The following WDR17 variants were observed in gnomAD, a reference collection of about 807,000 sequenced individuals.
WDR17 encodes WD repeat-containing protein 17.
In WDR17, 143 loss-of-function variants were observed where a neutral mutation model predicts 161.7. The observed-to-expected ratio is 0.88, with a 90% CI of 0.77 to 1.02. The LOEUF (loss-of-function observed/expected upper bound fraction) is 1.02. Among genes scored for constraint, WDR17 ranks in the 50% least tolerant of loss-of-function variants. The pLI is 0.00. For synonymous variants in WDR17, 517 were observed against 515.6 expected, an observed-to-expected ratio of 1.00 and a Z score of -0.04; for missense variants, 1,469 against 1,520.9, an observed-to-expected ratio of 0.97 and a Z score of 0.57.
chr4:176,072,336 T>C (rs1171654373), intron 1 of WDR17, among the ~76,000 whole-genome samples: 1 of 152,224 alleles, frequency 6.6e-6, no homozygotes, highest in African/African-American at 2.4e-5. Flanking sequence ...TAAGGCTTGC[T>C]GTGCATTTAA....
At position 176,173,331 on chromosome 4, in the gene WDR17, T is replaced by C. The variant is rs1751007587; in HGVS notation, c.3309T>C (p.Tyr1103=). The C allele has an allele frequency of 1.2e-6, 2 of 1,613,108 alleles. No homozygotes were observed. Among genetic ancestry groups the C allele is most frequent in the Non-Finnish European group, 8.5e-7 (1 of 1,179,726 alleles). ...ACCCTGTTCTTGACCTACTGAGCTA[T>C]ATTCGTACTGAAAAATTACTCTTGC... ...TIYPVLDLLS[Y]IRTEKLLLHT... Residue 1103 remains tyrosine (Y), a synonymous_variant, in exon 25 of 29, where the codon TAT becomes TAC. Transcript: ENST00000508596.
intron 2 of WDR17, among the ~76,000 whole-genome samples, chr4:176,111,924 T>G (rs1344369401): frequency 6.6e-6 from 1 of 152,174 alleles, no homozygotes; most frequent in Non-Finnish European, 1.5e-5. Context: ...ATAAGAAAAT[T>G]CTTTTTTCAG....
chr4:176,115,110 A>G (rs1007091254), intron 2 of WDR17, among the ~76,000 whole-genome samples: 3 of 152,068 alleles, frequency 2.0e-5, no homozygotes, highest in African/African-American at 7.2e-5. Flanking sequence ...TAAAACTTAG[A>G]ATAGCACTGT....
chr4:176,080,369 G>A (rs762671499), intron 1 of WDR17, among the ~76,000 whole-genome samples: 1 of 151,508 alleles, frequency 6.6e-6, no homozygotes, highest in Non-Finnish European at 1.5e-5. Context: ...GTGTGGAGAA[G>A]AAATCCAAGG....
At position 176,127,463 on chromosome 4, in the gene WDR17, T is replaced by G. The variant is rs1742636081; in HGVS notation, c.791-1275T>G. Among the ~76,000 whole-genome samples, 3 of 151,924 alleles carry G rather than the reference T, an allele frequency of 2.0e-5. No homozygotes were observed. The South Asian group carries it at 6.2e-4, about 32-fold the overall frequency. On this transcript the variant is annotated intron_variant, in intron 5 of 28. Transcript: ENST00000508596. ...GGTGCATGCCACCATACCTGGCTAA[T>G]TTTTCTATTTTTAGTAGAGACGGTG... is the stretch of plus-strand genomic sequence containing the variant.
At chr4:176,152,313 A>AAAAAAAAAAAAAAAAAAAC in intron 17 of WDR17, among the ~76,000 whole-genome samples, 1 of 124,108 alleles carries the variant, frequency 8.1e-6, no homozygotes, top group Non-Finnish European at 1.8e-5. Flanking sequence ...AAAAAAAAAA[A>AAAAAAAAAAAAAAAAAAAC]AGCCTGAGCG....
In WDR17 at chr4:176,148,274, A is replaced by G. The variant is rs766033306; in HGVS notation, c.1836A>G (p.Val612=). The G allele has an allele frequency of 8.1e-6, 13 of 1,614,040 alleles. No homozygotes were observed. Among genetic ancestry groups the G allele is most frequent in the Non-Finnish European group, 1.1e-5 (13 of 1,179,934 alleles). Residue 612 remains valine, a synonymous_variant, in exon 13 of 29, where the codon GTA becomes GTG. Coordinates refer to ENST00000508596, the MANE Select transcript of WDR17 (RefSeq NM_181265.4). ...GCAGCTGGGACTATACTATAAAAGTATGGGACACTCGAGAAGGAACTTGTG... is the reference window on the plus strand; with the variant it reads ...GCAGCTGGGACTATACTATAAAAGTGTGGGACACTCGAGAAGGAACTTGTG... ...ISGSWDYTIK[V]WDTREGTCVD...
intron 1 of WDR17, among the ~76,000 whole-genome samples, chr4:176,107,819 C>CCCTT (rs796889501): frequency 1.0e-4 from 15 of 150,088 alleles, no homozygotes; most frequent in East Asian, 5.9e-4. Flanking sequence ...TAGTGTTTTT[C>CCCTT]CCTTCCTTCC....
At chr4:176,167,647 A>G (rs1750021498) in intron 22 of WDR17, among the ~76,000 whole-genome samples, 1 of 94,040 alleles carries the variant, frequency 1.1e-5, no homozygotes, top group African/African-American at 3.8e-5. Flanking sequence ...TCCGTCTCAA[A>G]AAAAAAAAAA....
Position 176,139,887 on chromosome 4 carries a change from TGAAGCATG to T in WDR17, c.1360-1_1366del. 6.2e-7 allele frequency: 1 copy of T among 1,603,476 alleles called. No individual in the cohort carries two copies. The highest frequency in any genetic ancestry group is 8.5e-7 in the Non-Finnish European group (1 of 1,176,008). ...TTATTGATAGGTATTTTACATTTTTTGAAGCATGGAACAAATGGAATATTCTGCATTGC... is the reference window on the plus strand; with the variant it reads ...TTATTGATAGGTATTTTACATTTTTTGAACAAATGGAATATTCTGCATTGC... On this transcript the variant is annotated splice_acceptor_variant and splice_polypyrimidine_tract_variant and coding_sequence_variant and intron_variant, in exon 10 of 29. Transcript: ENST00000508596. LOFTEE classifies it high-confidence loss of function.
intron 17 of WDR17, 66 bp downstream of exon 17, chr4:176,152,033 A>T (rs1747214406): frequency 1.4e-6 from 2 of 1,477,620 alleles, no homozygotes; most frequent in African/African-American, 2.9e-5. Flanking sequence ...GAATATACTC[A>T]ATTTTAAGTA....
chr4:176,143,457 A>C (rs1254213463), intron 11 of WDR17, among the ~76,000 whole-genome samples: 1 of 151,214 alleles, frequency 6.6e-6, no homozygotes. Context: ...TGAGCTCAGG[A>C]GTTCAATACC....
chr4:176,126,887 A>G (rs1482260119), intron 5 of WDR17, among the ~76,000 whole-genome samples: 1 of 152,168 alleles, frequency 6.6e-6, no homozygotes, highest in Non-Finnish European at 1.5e-5. Context: ...CCCTCACTCC[A>G]TTCCACTGCC....
chr4:176,156,282 G>C, intron 18 of WDR17, 139 bp downstream of exon 18: 1 of 771,344 alleles, frequency 1.3e-6, no homozygotes, highest in Non-Finnish European at 2.0e-6. Context: ...TGTATCTACT[G>C]ATACAGTAAA....
intron 1 of WDR17, among the ~76,000 whole-genome samples, chr4:176,090,656 G>A (rs146272298): frequency 2.0e-5 from 3 of 152,214 alleles, no homozygotes; most frequent in African/African-American, 7.2e-5. Flanking sequence ...GCCAAGACCA[G>A]CTTGGTCAGG....
At chr4:176,106,608 G>C (rs1738762744) in intron 1 of WDR17, among the ~76,000 whole-genome samples, 1 of 152,058 alleles carries the variant, frequency 6.6e-6, no homozygotes, top group Non-Finnish European at 1.5e-5. Context: ...GGCATCAAAA[G>C]CAAAAAACAT....
In WDR17 at chr4:176,131,673, T is replaced by G; in HGVS notation, c.1033T>G (p.Phe345Val). 6.2e-7 allele frequency: 1 copy of G among 1,613,720 alleles called. No homozygotes were observed. ...TCCTCCTGGTCATGCAGTGTGTTGT[T>G]TCTTGGATGGTGGAGTTGGACTTTA... ...SLPPGHAVCC[F>V]LDGGVGLYDM... Residue 345 changes from phenylalanine (F) to valine (V), a missense_variant, in exon 7 of 29, where the codon TTC becomes GTC. Physicochemically the swap from Phe to Val is conservative, Grantham distance 50 (BLOSUM62 -1). Transcript: ENST00000508596.
At chr4:176,076,221 AT>A (rs1161764959) in intron 1 of WDR17, among the ~76,000 whole-genome samples, 1 of 22,902 alleles carries the variant, frequency 4.4e-5, no homozygotes, top group African/African-American at 1.2e-4. Flanking sequence ...TATAATATAT[AT>A]ATATATATAT....
chr4:176,081,159 A>G (rs1734702812), intron 1 of WDR17, among the ~76,000 whole-genome samples: 1 of 152,092 alleles, frequency 6.6e-6, no homozygotes, highest in Admixed American at 6.6e-5. Context: ...AGGCCTTTTC[A>G]AAATAGTGTC....
Sources: gnomAD v4.1 joint callset for allele counts (sites outside exome capture counted in the v4.1 genomes callset) on GRCh38, gnomAD v4.1.1 for gene constraint, MANE v1.5 for transcripts, NCBI Gene and HGNC (gene_info 2026-07-23, HGNC 2026-07-21) for gene names.